Variants in MEF2C observed in about 807,000 individuals in gnomAD.
MEF2C encodes the protein myocyte enhancer factor 2C, also known as myocyte-specific enhancer factor 2C.
A neutral mutation model predicts 50.5 loss-of-function variants in MEF2C; 6 were observed. The observed-to-expected ratio is 0.12, with a 90% CI of 0.07 to 0.23. MEF2C has a LOEUF of 0.23. Among genes scored for constraint, MEF2C ranks in the 10% least tolerant of loss-of-function variants. The pLI, the probability that MEF2C is intolerant of heterozygous loss-of-function variation, is 1.00. For missense variants in MEF2C, 276 were observed against 605.0 expected (o/e 0.46, Z 5.70); for synonymous variants, 183 against 228.0 (o/e 0.80, Z 1.78).
chr5:88,856,945 G>C (rs964852247), intron 1 of MEF2C, among the ~76,000 whole-genome samples: 6 of 152,234 alleles, frequency 3.9e-5, no homozygotes, highest in Admixed American at 6.5e-5. Flanking sequence ...TGTGAGAAGA[G>C]AGCCATCATC....
intron 1 of MEF2C, among the ~76,000 whole-genome samples, chr5:88,895,771 T>G (rs1256834517): frequency 6.6e-6 from 1 of 152,012 alleles, no homozygotes; most frequent in Non-Finnish European, 1.5e-5. Context: ...CTTCCACTGA[T>G]GCGACCTACA....
intron 10 of MEF2C, among the ~76,000 whole-genome samples, chr5:88,726,394 A>C (rs546325734): frequency 3.3e-5 from 5 of 152,128 alleles, no homozygotes; most frequent in Non-Finnish European, 7.4e-5. Flanking sequence ...TAAGTATTGC[A>C]GCTTGGGATT....
At chr5:88,829,617 T>C (rs1272672033) in intron 1 of MEF2C, among the ~76,000 whole-genome samples, 1 of 152,064 alleles carries the variant, frequency 6.6e-6, no homozygotes, top group Non-Finnish European at 1.5e-5. Context: ...TATTTTACTA[T>C]TTTTGCTTAC....
At chr5:88,730,063 G>T in intron 8 of MEF2C, 148 bp downstream of exon 8, 1 of 648,706 alleles carries the variant, frequency 1.5e-6, no homozygotes, top group Non-Finnish European at 2.3e-6. Flanking sequence ...TCACCTGTGA[G>T]TGATGCCAGA....
rs553429665 is a variant in MEF2C, at chr5:88,751,562, G to C, written c.589+295C>G. On this transcript the variant is annotated intron_variant, in intron 5 of 10. Coordinates refer to ENST00000504921, the MANE Select transcript of MEF2C (RefSeq NM_002397.5). ...GCAGGGAGGACGAGCAGAAGTAAAA[G>C]TGTGGAGAAAGGATATCTGACATCC... The C allele has an allele frequency of 9.2e-6, 9 of 980,628 alleles. No individual in the cohort carries two copies. In the African/African-American group the frequency reaches 1.6e-4, roughly 17 times the overall value. The allele number at this position is 980,628 out of a possible 1,614,324, so 60.7% of individuals were successfully genotyped here.
intron 6 of MEF2C, among the ~76,000 whole-genome samples, chr5:88,745,534 G>A (rs1769016809): frequency 6.6e-6 from 1 of 152,254 alleles, no homozygotes; most frequent in Non-Finnish European, 1.5e-5. Flanking sequence ...CTGAGGCCGG[G>A]TGCAGAGGCT....
intron 2 of MEF2C, among the ~76,000 whole-genome samples, chr5:88,817,103 C>T (rs1805811628): frequency 1.3e-5 from 2 of 151,912 alleles, no homozygotes. Context: ...TTGGAATTCA[C>T]CGAAAAATTA....
At chr5:88,864,911 G>A (rs1413890743) in intron 1 of MEF2C, among the ~76,000 whole-genome samples, 1 of 152,064 alleles carries the variant, frequency 6.6e-6, no homozygotes, top group Admixed American at 6.5e-5. Flanking sequence ...GGGATTACAG[G>A]TGCCCAGCAG....
chr5:88,728,728 G>C, intron 9 of MEF2C, 100 bp from the exon 10 acceptor site: 3 of 851,638 alleles, frequency 3.5e-6, no homozygotes, highest in Non-Finnish European at 4.8e-6. Flanking sequence ...ATTCTATTAG[G>C]ATTATCGTTA....
At position 88,824,052 on chromosome 5, in the gene MEF2C, A is replaced by G. The variant is rs551554792; in HGVS notation, c.-142-122T>C. 8 of 1,044,230 alleles carry G rather than the reference A, an allele frequency of 7.7e-6. No homozygotes were observed. In the East Asian group the frequency reaches 2.0e-4, roughly 26 times the overall value. The allele number at this position is 1,044,230 out of a possible 1,614,324, so 64.7% of individuals were successfully genotyped here. On this transcript the variant is annotated intron_variant, in intron 1 of 10. Coordinates refer to ENST00000504921, the MANE Select transcript of MEF2C (RefSeq NM_002397.5). ...AGCTAAAGCAATAAAATGAATAAAA[A>G]TAACTTTTTTGTTAAAAATATATGG...
Position 88,718,991 on chromosome 5 carries a change from C to G in MEF2C, c.*3613G>C, listed in dbSNP as rs1389597699. ...ACAGATGAAGTATGCCATGCTTAGG[C>G]AACAGCCTTTATTGAGGGTTCAAGT... On this transcript the variant is annotated 3_prime_UTR_variant, in exon 11 of 11. Coordinates refer to ENST00000504921, the MANE Select transcript of MEF2C (RefSeq NM_002397.5). 6.6e-6 allele frequency: 1 copy of G among 152,124 alleles called. No homozygotes were observed. The highest frequency in any genetic ancestry group is 6.5e-5 in the Admixed American group (1 of 15,274). 9.4% of individuals were successfully genotyped at this position (152,124 alleles called of 1,614,324 possible). A position where few individuals can be genotyped will look rare whatever the true frequency, so the allele number is the denominator to read the frequency against.
rs1755472640 is a variant in MEF2C, at chr5:88,719,222, A to G, written c.*3382T>C. 1 of 152,148 alleles carries G rather than the reference A, an allele frequency of 6.6e-6. No individual in the cohort carries two copies. Among genetic ancestry groups the G allele is most frequent in the Non-Finnish European group, 1.5e-5 (1 of 68,006 alleles). 9.4% of individuals were successfully genotyped at this position (152,148 alleles called of 1,614,324 possible). A position where few individuals can be genotyped will look rare whatever the true frequency, so the allele number is the denominator to read the frequency against. ...CTTGGAATTTTGTTTTTTCATTCTC[A>G]CTTTAGTTAACTTTTAAATGATCTG... On this transcript the variant is annotated 3_prime_UTR_variant, in exon 11 of 11. Coordinates refer to ENST00000504921, the MANE Select transcript of MEF2C (RefSeq NM_002397.5).
Position 88,861,012 on chromosome 5 carries a change from T to C in MEF2C, c.-143+21943A>G, listed in dbSNP as rs538058155. Among the ~76,000 whole-genome samples the C allele has an allele frequency of 3.9e-5, 6 of 152,286 alleles. No individual in the cohort carries two copies. In the South Asian group the frequency reaches 1.2e-3, roughly 32 times the overall value. ...ACTTCATCTTTAGAAATGCCGATAA[T>C]TTAGAAACTGGAATGATGCGGCTGG... On this transcript the variant is annotated intron_variant, in intron 1 of 10. Transcript: ENST00000504921.
chr5:88,837,034 T>C (rs1223666105), intron 1 of MEF2C, among the ~76,000 whole-genome samples: 1 of 123,698 alleles, frequency 8.1e-6, no homozygotes, highest in Non-Finnish European at 1.7e-5. Context: ...AGTCAGGAAA[T>C]CAAATCAAAT....
intron 6 of MEF2C, chr5:88,740,489 G>A (rs1766136063): frequency 3.1e-6 from 3 of 982,590 alleles, no homozygotes; most frequent in Non-Finnish European, 3.6e-6. Flanking sequence ...TTTGACAGAT[G>A]AGGAAACTGA....
At chr5:88,853,042 A>T (rs1159273372) in intron 1 of MEF2C, among the ~76,000 whole-genome samples, 1 of 152,220 alleles carries the variant, frequency 6.6e-6, no homozygotes, top group Admixed American at 6.5e-5. Flanking sequence ...TGGGAAACAT[A>T]GCAAGACACT....
chr5:88,748,273 T>C (rs1322419861), intron 6 of MEF2C: 1 of 820,958 alleles, frequency 1.2e-6, no homozygotes, highest in African/African-American at 1.9e-5. Flanking sequence ...TTTTGACATT[T>C]CAAACATAAC....
intron 5 of MEF2C, chr5:88,751,116 T>C: frequency 1.0e-6 from 1 of 981,976 alleles, no homozygotes; most frequent in Non-Finnish European, 1.2e-6. Context: ...TAAATGTTCT[T>C]TAAATCCAGT....
intron 3 of MEF2C, chr5:88,766,852 C>T (rs1249186302): frequency 1.0e-6 from 1 of 983,772 alleles, no homozygotes; most frequent in Admixed American, 6.2e-5. Flanking sequence ...AAAGCATCAA[C>T]TTAGAAAAGG....
Sources: allele counts gnomAD v4.1 joint callset (sites outside exome capture counted in the v4.1 genomes callset), GRCh38; gene constraint gnomAD v4.1.1; transcripts MANE v1.5; gene names NCBI Gene and HGNC (gene_info 2026-07-23, HGNC 2026-07-21).